The following JPT2 variants were observed in gnomAD, a reference collection of about 807,000 sequenced individuals.
The protein encoded by JPT2 is Jupiter microtubule associated homolog 2.
JPT2 carries 9 observed loss-of-function variants against 15.9 expected under a neutral mutation model. That is an observed-to-expected ratio of 0.57 (90% CI 0.34 to 0.99). JPT2 has a LOEUF of 0.99. JPT2 is among the 50% of genes least tolerant of loss of function. The pLI is 0.02. For synonymous variants in JPT2, 95 were observed against 91.7 expected (o/e 1.04, Z -0.21); for missense variants, 267 against 252.1 (o/e 1.06, Z -0.40).
At chr16:1,692,458 G>A (rs545407628) in intron 3 of JPT2, 18 of 173,996 alleles carry the variant, frequency 1.0e-4, no homozygotes, top group Non-Finnish European at 2.2e-4. Flanking sequence ...CGTAGCTGAC[G>A]CCTCTGACCC....
Position 1,698,288 on chromosome 16 carries a change from C to T in JPT2, c.385+428C>T, listed in dbSNP as rs1314354339. ...ACTGCTCAGGTTGAGCGGCAGACTT[C>T]GACTCTCCCCACGGCTCTTTAGCCT... On this transcript the variant is annotated intron_variant, in intron 4 of 4. Coordinates refer to ENST00000248098, the MANE Select transcript of JPT2 (RefSeq NM_144570.3). This position sits in a 1 kb window ranked among gnomAD's most constrained non-coding sequence, Gnocchi z 4.9. Among the ~76,000 whole-genome samples, 5 of 152,186 alleles carry T rather than the reference C, an allele frequency of 3.3e-5. No individual in the cohort carries two copies. The highest frequency in any genetic ancestry group is 6.5e-5 in the Admixed American group (1 of 15,270).
chr16:1,685,810 C>T (rs139571731), intron 2 of JPT2: 9 of 421,066 alleles, frequency 2.1e-5, no homozygotes, highest in African/African-American at 1.5e-4. Context: ...TGGTTGAATA[C>T]AGGCACTGAG....
In JPT2 at chr16:1,691,993, C is replaced by T; in HGVS notation, c.336+8C>T. ...CACCCAAACAAACCCAAGGTATGGA[C>T]TGCATTCAGACGTGACAGCGCAGCA... On this transcript the variant is annotated splice_region_variant and intron_variant, in intron 3 of 4. Transcript: ENST00000248098. 6.2e-7 allele frequency: 1 copy of T among 1,614,052 alleles called. No homozygotes were observed. Among genetic ancestry groups the T allele is most frequent in the Non-Finnish European group, 8.5e-7 (1 of 1,179,948 alleles).
At chr16:1,688,824 G>A (rs1192356315) in intron 2 of JPT2, 1 of 152,214 alleles carries the variant, frequency 6.6e-6, no homozygotes, top group Non-Finnish European at 1.5e-5. Context: ...GTGAATTTAA[G>A]CATGTTTTCT....
At chr16:1,687,467 G>C (rs538556136) in intron 2 of JPT2, among the ~76,000 whole-genome samples, 1 of 152,304 alleles carries the variant, frequency 6.6e-6, no homozygotes, top group East Asian at 1.9e-4. Context: ...TCGCATGCAA[G>C]ATAGAATCCT....
At chr16:1,683,584 A>G in intron 1 of JPT2, 1 of 1,535,294 alleles carries the variant, frequency 6.5e-7, no homozygotes, top group African/African-American at 1.4e-5. Flanking sequence ...CCTGGGCACC[A>G]CTTCAGAGGT....
chr16:1,701,944 A>G lies in JPT2; in HGVS notation c.*2946A>G. 1.5e-5 allele frequency: 5 copies of G among 331,228 alleles called. No individual in the cohort carries two copies. Among genetic ancestry groups the G allele is most frequent in the South Asian group, 1.2e-4 (5 of 42,750 alleles). The allele number at this position is 331,228 out of a possible 1,614,324, so 20.5% of individuals were successfully genotyped here. A position where few individuals can be genotyped will look rare whatever the true frequency, so the allele number is the denominator to read the frequency against. ...GTAGTCCCAGCTACTCGGGAGGCTG[A>G]GTGAGGCAGGAGGATCACTTGAGAC... On this transcript the variant is annotated 3_prime_UTR_variant, in exon 5 of 5. Transcript: ENST00000248098.
chr16:1,682,741 C>T (rs1403546210), intron 1 of JPT2, among the ~76,000 whole-genome samples: 1 of 152,130 alleles, frequency 6.6e-6, no homozygotes. Context: ...GTCAGATGGC[C>T]TTATGGCCAC....
intron 1 of JPT2, among the ~76,000 whole-genome samples, chr16:1,679,445 C>T (rs1168010363): frequency 1.3e-5 from 2 of 152,164 alleles, no homozygotes; most frequent in African/African-American, 4.8e-5. Flanking sequence ...CCTGTAATCA[C>T]GGCACTTTGG....
intron 3 of JPT2, among the ~76,000 whole-genome samples, chr16:1,695,328 C>G (rs1176730722): frequency 6.6e-6 from 1 of 151,978 alleles, no homozygotes; most frequent in Non-Finnish European, 1.5e-5. Flanking sequence ...TCGCTTGAAC[C>G]CAGGAGGTGG....
At chr16:1,695,644 G>T (rs185477679) in intron 3 of JPT2, among the ~76,000 whole-genome samples, 1 of 152,226 alleles carries the variant, frequency 6.6e-6, no homozygotes, top group East Asian at 1.9e-4. Context: ...GCTGAAGCAG[G>T]CAGATTGCTT....
chr16:1,683,394 A>T, intron 1 of JPT2: 1 of 683,298 alleles, frequency 1.5e-6, no homozygotes, highest in Non-Finnish European at 2.5e-6. Context: ...TACAGGTGCC[A>T]GGTACTGCTC....
chr16:1,696,443 C>G (rs1224947144), intron 3 of JPT2, among the ~76,000 whole-genome samples: 1 of 151,880 alleles, frequency 6.6e-6, no homozygotes, highest in East Asian at 1.9e-4. Flanking sequence ...ATTGCTTGAA[C>G]CCAGAAGGCA....
intron 2 of JPT2, among the ~76,000 whole-genome samples, chr16:1,691,240 T>C (rs2037101807): frequency 6.6e-6 from 1 of 152,198 alleles, no homozygotes; most frequent in East Asian, 1.9e-4. Context: ...ACTAGGAAGT[T>C]ACCTCTTAGA....
intron 2 of JPT2, among the ~76,000 whole-genome samples, chr16:1,687,188 T>C (rs541427057): frequency 1.5e-4 from 23 of 152,264 alleles, no homozygotes; most frequent in African/African-American, 5.1e-4. Flanking sequence ...GGTTTAACCA[T>C]GTTGCCTAGG....
intron 2 of JPT2, chr16:1,688,559 C>T (rs2037083511): frequency 6.6e-6 from 1 of 152,138 alleles, no homozygotes; most frequent in Non-Finnish European, 1.5e-5. Context: ...CAGTATTTAT[C>T]TTTTAGTTTT....
intron 3 of JPT2, among the ~76,000 whole-genome samples, chr16:1,693,094 T>G (rs1211473637): frequency 6.6e-6 from 1 of 152,138 alleles, no homozygotes; most frequent in African/African-American, 2.4e-5. Flanking sequence ...GTCGTGTTTT[T>G]TCGTTTTATT....
intron 4 of JPT2, 49 bp downstream of exon 4, chr16:1,697,909 G>A (rs369518679): frequency 1.3e-4 from 202 of 1,531,480 alleles, no homozygotes; most frequent in Non-Finnish European, 1.7e-4. Context: ...CATTATTTCT[G>A]GAAGAGTTGC....
At chr16:1,696,754 A>T (rs2037145088) in intron 3 of JPT2, among the ~76,000 whole-genome samples, 1 of 152,214 alleles carries the variant, frequency 6.6e-6, no homozygotes, top group African/African-American at 2.4e-5. Context: ...AACTGGGGAC[A>T]TGCACATCAG....
Sources: gnomAD v4.1 joint callset for allele counts (sites outside exome capture counted in the v4.1 genomes callset) on GRCh38, gnomAD v4.1.1 for gene constraint, Gnocchi (gnomAD v3.1) non-coding constraint, MANE v1.5 for transcripts, NCBI Gene and HGNC (gene_info 2026-07-23, HGNC 2026-07-21) for gene names.